Variants in FGF14 observed in about 807,000 individuals in gnomAD.
FGF14 encodes fibroblast growth factor 14.
A neutral mutation model predicts 25.5 loss-of-function variants in FGF14; 5 were observed. The ratio of observed to expected loss-of-function variants is 0.20; its 90% CI spans 0.10 to 0.41. FGF14 has a LOEUF of 0.41. FGF14 is among the 10% of genes least tolerant of loss of function. The pLI, the probability that FGF14 is intolerant of heterozygous loss-of-function variation, is 1.00. For synonymous variants in FGF14, 138 were observed against 118.3 expected (o/e 1.17, Z -1.08); for missense variants, 222 against 320.1 (o/e 0.69, Z 2.34).
chr13:102,351,235 A>C (rs1254359569), intron 1 of FGF14, among the ~76,000 whole-genome samples: 4 of 152,180 alleles, frequency 2.6e-5, no homozygotes, highest in African/African-American at 9.7e-5. Context: ...AGTATAATAA[A>C]ATTATACCCA....
chr13:101,906,619 G>A (rs535190074), intron 1 of FGF14, among the ~76,000 whole-genome samples: 5 of 152,208 alleles, frequency 3.3e-5, no homozygotes, highest in Non-Finnish European at 5.9e-5. Flanking sequence ...TTCATGTCTC[G>A]TTGTTGAGCC....
rs202118749 is a variant in FGF14, at chr13:102,121,686, A to G, written c.209-246390T>C. ...ATAGTCTAAAGTATATATGTTGTAC[A>G]TACCCAAATGCTTCCGTAAGACTTG... On this transcript the variant is annotated intron_variant, in intron 1 of 4. Coordinates refer to the FGF14 transcript ENST00000376131. Among the ~76,000 whole-genome samples the G allele has an allele frequency of 3.3e-5, 5 of 152,322 alleles. No homozygotes were observed. The East Asian group carries it at 9.6e-4, about 29-fold the overall frequency.
At chr13:102,381,624 G>A (rs1203284495) in intron 1 of FGF14, among the ~76,000 whole-genome samples, 2 of 152,102 alleles carry the variant, frequency 1.3e-5, no homozygotes, top group African/African-American at 4.8e-5. Context: ...GCTAAAACAT[G>A]TTCTAGTTTC....
At chr13:101,915,844 A>C (rs1043191117) in intron 1 of FGF14, among the ~76,000 whole-genome samples, 36 of 152,236 alleles carry the variant, frequency 2.4e-4, no homozygotes, top group African/African-American at 8.4e-4. Context: ...GATTTGACTG[A>C]AGGGCTGCAG....
chr13:102,057,986 T>C (rs750322305), intron 1 of FGF14, among the ~76,000 whole-genome samples: 1 of 152,314 alleles, frequency 6.6e-6, no homozygotes. Context: ...TTTATTATTG[T>C]TGTGTCTCAA....
At chr13:101,739,057 T>G (rs1015440897) in intron 3 of FGF14, among the ~76,000 whole-genome samples, 1 of 147,050 alleles carries the variant, frequency 6.8e-6, no homozygotes, top group Admixed American at 6.9e-5. Context: ...ACAAAGATGA[T>G]TCTTCCCACC....
At chr13:102,249,945 G>C (rs572596371) in intron 1 of FGF14, among the ~76,000 whole-genome samples, 1 of 152,264 alleles carries the variant, frequency 6.6e-6, no homozygotes, top group East Asian at 1.9e-4. Context: ...CTCTCTGACA[G>C]TGGACTAAGG....
rs1390790222 is a variant in FGF14, at chr13:101,916,826, G to A, written c.-181C>T. On this transcript the variant is annotated 5_prime_UTR_variant, in exon 1 of 5. Transcript: ENST00000376143. ...CTGACCGGGACCCATCGCCCTCTCC[G>A]CGGGGCGCGGGGCCAGGCGCGCAGA... 1.3e-5 allele frequency among the ~76,000 whole-genome samples: 2 copies of A among 152,160 alleles called. No homozygotes were observed. Among genetic ancestry groups the A allele is most frequent in the South Asian group, 2.1e-4 (1 of 4,836 alleles).
At chr13:102,135,049 AC>A (rs1566730195) in intron 1 of FGF14, among the ~76,000 whole-genome samples, 11 of 151,056 alleles carry the variant, frequency 7.3e-5, no homozygotes, top group African/African-American at 2.5e-4. Flanking sequence ...ACACACACAC[AC>A]ACACACACAC....
intron 1 of FGF14, among the ~76,000 whole-genome samples, chr13:102,023,275 C>T (rs963047113): frequency 6.6e-6 from 1 of 151,966 alleles, no homozygotes; most frequent in Non-Finnish European, 1.5e-5. Flanking sequence ...AATATATGAA[C>T]TTAAAGTCAA....
intron 1 of FGF14, among the ~76,000 whole-genome samples, chr13:101,885,372 A>C (rs1047080734): frequency 6.6e-6 from 1 of 152,272 alleles, no homozygotes; most frequent in African/African-American, 2.4e-5. Flanking sequence ...AGGAAGAGAA[A>C]GAGGCGAGGT....
intron 1 of FGF14, among the ~76,000 whole-genome samples, chr13:102,327,826 C>A (rs1385813826): frequency 3.3e-5 from 5 of 149,428 alleles, no homozygotes; most frequent in African/African-American, 1.2e-4. Flanking sequence ...CAGAGTGAGA[C>A]CATGTCTCCA....
intron 1 of FGF14, among the ~76,000 whole-genome samples, chr13:102,127,744 G>A (rs1395690158): frequency 6.6e-6 from 1 of 152,192 alleles, no homozygotes; most frequent in East Asian, 1.9e-4. Flanking sequence ...TCACCACTGA[G>A]CAATGCCAAT....
At chr13:101,925,005 A>G (rs1376639716) in intron 1 of FGF14, among the ~76,000 whole-genome samples, 1 of 152,222 alleles carries the variant, frequency 6.6e-6, no homozygotes, top group East Asian at 1.9e-4. Flanking sequence ...TGATAACACC[A>G]GGGTTCACAA....
At chr13:102,194,600 C>G (rs928847840) in intron 1 of FGF14, among the ~76,000 whole-genome samples, 3 of 152,048 alleles carry the variant, frequency 2.0e-5, no homozygotes, top group African/African-American at 7.2e-5. Flanking sequence ...AACAAAGTCT[C>G]CAATGTCCCT....
At chr13:101,999,465 C>A (rs545062857) in intron 1 of FGF14, among the ~76,000 whole-genome samples, 82 of 152,188 alleles carry the variant, frequency 5.4e-4, no homozygotes, top group African/African-American at 2.0e-3. Context: ...TGCAAAGTAG[C>A]TCTTCTTGGT....
At chr13:101,838,798 A>C (rs2043054452) in intron 3 of FGF14, among the ~76,000 whole-genome samples, 2 of 152,068 alleles carry the variant, frequency 1.3e-5, no homozygotes, top group African/African-American at 4.8e-5. Context: ...AAAACTCCTA[A>C]ATAATGAAAA....
chr13:102,198,823 T>G (rs375640489), intron 1 of FGF14, among the ~76,000 whole-genome samples: 4 of 152,214 alleles, frequency 2.6e-5, no homozygotes, highest in African/African-American at 7.2e-5. Context: ...GCCTTCCTCA[T>G]GTGGTATCTC....
intron 1 of FGF14, among the ~76,000 whole-genome samples, chr13:101,948,549 G>T (rs901606734): frequency 4.6e-4 from 70 of 151,500 alleles, no homozygotes; most frequent in African/African-American, 1.7e-3. Flanking sequence ...CTTCTCTAAA[G>T]AAGTCAGCTT....
Sources: allele counts gnomAD v4.1 joint callset (sites outside exome capture counted in the v4.1 genomes callset), GRCh38; gene constraint gnomAD v4.1.1; transcripts MANE v1.5; gene names NCBI Gene and HGNC (gene_info 2026-07-23, HGNC 2026-07-21).